PEAK1: variants seen among roughly 807,000 people sequenced by gnomAD.
PEAK1 encodes pseudopodium enriched atypical kinase 1, also known as inactive tyrosine-protein kinase PEAK1.
Under a neutral mutation model 124.7 loss-of-function variants are expected in PEAK1, and 54 were observed. The observed-to-expected ratio is 0.43, with a 90% CI of 0.35 to 0.54. The LOEUF (loss-of-function observed/expected upper bound fraction) is 0.54. Ranked by LOEUF, PEAK1 falls within the 20% of genes least tolerant of loss-of-function variation. The pLI is 0.01. For synonymous variants in PEAK1, 719 were observed against 760.0 expected (o/e 0.95, Z 0.89); for missense variants, 2,046 against 2,134.5 (o/e 0.96, Z 0.82).
At chr15:77,375,915 C>T (rs1225977255) in intron 1 of PEAK1, among the ~76,000 whole-genome samples, 1 of 151,916 alleles carries the variant, frequency 6.6e-6, no homozygotes, top group Admixed American at 6.6e-5. Context: ...AGGAGAATGG[C>T]GGGAACCCGG....
At chr15:77,122,132 T>C (rs2051976717) in intron 9 of PEAK1, among the ~76,000 whole-genome samples, 1 of 152,174 alleles carries the variant, frequency 6.6e-6, no homozygotes, top group Non-Finnish European at 1.5e-5. Flanking sequence ...ATAGATTAAG[T>C]GTTTAATATA....
intron 7 of PEAK1, among the ~76,000 whole-genome samples, chr15:77,174,530 T>C (rs2056721948): frequency 6.6e-6 from 1 of 152,072 alleles, no homozygotes; most frequent in Admixed American, 6.5e-5. Flanking sequence ...AAAAAGCAAA[T>C]GGTATATATT....
At chr15:77,119,245 T>A (rs2051688834) in intron 9 of PEAK1, among the ~76,000 whole-genome samples, 1 of 152,206 alleles carries the variant, frequency 6.6e-6, no homozygotes, top group Non-Finnish European at 1.5e-5. Context: ...CCGCTTGAGC[T>A]ATTCTCCAAA....
chr15:77,172,591 G>C (rs895831996), intron 7 of PEAK1, among the ~76,000 whole-genome samples: 2 of 152,160 alleles, frequency 1.3e-5, no homozygotes, highest in African/African-American at 4.8e-5. Flanking sequence ...TCATGAAAGA[G>C]GGGGCTAGTT....
At chr15:77,348,694 C>T in intron 2 of PEAK1, 8 of 985,230 alleles carry the variant, frequency 8.1e-6, no homozygotes, top group Non-Finnish European at 9.6e-6. Context: ...AATAGTTAAT[C>T]TGACTCACGG....
intron 6 of PEAK1, among the ~76,000 whole-genome samples, chr15:77,213,380 G>C (rs1231086339): frequency 6.6e-6 from 1 of 152,052 alleles, no homozygotes; most frequent in East Asian, 1.9e-4. Flanking sequence ...GCTTCCAGTA[G>C]AAAAAATAAA....
chr15:77,384,958 T>A (rs1318267475), intron 1 of PEAK1, among the ~76,000 whole-genome samples: 1 of 152,190 alleles, frequency 6.6e-6, no homozygotes, highest in African/African-American at 2.4e-5. Flanking sequence ...CTCACCACTG[T>A]CTTCACTGTT....
At chr15:77,409,267 CTTTTA>C (rs2072199587) in intron 1 of PEAK1, among the ~76,000 whole-genome samples, 1 of 152,122 alleles carries the variant, frequency 6.6e-6, no homozygotes, top group Non-Finnish European at 1.5e-5. Flanking sequence ...TTTCTATCAT[CTTTTA>C]TATTATTTAG....
At chr15:77,364,952 A>T (rs930224784) in intron 2 of PEAK1, among the ~76,000 whole-genome samples, 2 of 152,200 alleles carry the variant, frequency 1.3e-5, no homozygotes, top group African/African-American at 4.8e-5. Flanking sequence ...ATTCACTCAA[A>T]AGTATTTTAT....
chr15:77,145,702 C>T (rs2054130602), intron 8 of PEAK1, among the ~76,000 whole-genome samples: 1 of 152,112 alleles, frequency 6.6e-6, no homozygotes, highest in Non-Finnish European at 1.5e-5. Flanking sequence ...TCTTCAGTGG[C>T]TCTCCATTTG....
At chr15:77,415,691 C>T (rs1426164699) in intron 1 of PEAK1, among the ~76,000 whole-genome samples, 1 of 152,150 alleles carries the variant, frequency 6.6e-6, no homozygotes, top group Non-Finnish European at 1.5e-5. Flanking sequence ...TTTACATTGC[C>T]ATCCATCTCC....
At chr15:77,185,583 T>G (rs979895239) in intron 6 of PEAK1, among the ~76,000 whole-genome samples, 1 of 152,172 alleles carries the variant, frequency 6.6e-6, no homozygotes, top group East Asian at 1.9e-4. Context: ...TCTGTGACCT[T>G]AGCATGAACT....
intron 6 of PEAK1, among the ~76,000 whole-genome samples, chr15:77,204,308 T>C (rs1265916341): frequency 6.6e-6 from 1 of 152,126 alleles, no homozygotes; most frequent in Non-Finnish European, 1.5e-5. Context: ...GAATGCAAAA[T>C]GGTACAGACC....
chr15:77,292,620 T>G (rs540466910), intron 2 of PEAK1, among the ~76,000 whole-genome samples: 1 of 152,226 alleles, frequency 6.6e-6, no homozygotes, highest in South Asian at 2.1e-4. Context: ...CAACTACAGC[T>G]GAGAATTTGC....
At chr15:77,311,683 CACAAAAAAA>C (rs1335151011) in intron 2 of PEAK1, among the ~76,000 whole-genome samples, 1 of 44,800 alleles carries the variant, frequency 2.2e-5, no homozygotes, top group Non-Finnish European at 4.6e-5. Context: ...CCCCAACCCC[CACAAAAAAA>C]AAAAAAAAAA....
chr15:77,169,621 G>C (rs2056366807), intron 7 of PEAK1, among the ~76,000 whole-genome samples: 1 of 152,146 alleles, frequency 6.6e-6, no homozygotes, highest in African/African-American at 2.4e-5. Flanking sequence ...AAAGCGATTA[G>C]GTTACCAGGG....
chr15:77,112,144 T>C lies in PEAK1; in HGVS notation c.*2012A>G, dbSNP rs1262591908. On this transcript the variant is annotated 3_prime_UTR_variant, in exon 10 of 10. Coordinates refer to ENST00000682557, the MANE Select transcript of PEAK1 (RefSeq NM_001385026.1). ...GCACTCTGGCTAGAGGAGGCAAGAC[T>C]CTTTGTGGGCTAACCAGCCTTCTTT... 3 of 152,212 alleles carry C rather than the reference T, an allele frequency of 2.0e-5. No individual in the cohort carries two copies. The highest frequency in any genetic ancestry group is 2.9e-5 in the Non-Finnish European group (2 of 68,058). The allele number at this position is 152,212 out of a possible 1,614,324, so 9.4% of individuals were successfully genotyped here.
intron 7 of PEAK1, among the ~76,000 whole-genome samples, chr15:77,170,723 G>A (rs2056446834): frequency 6.6e-6 from 1 of 152,126 alleles, no homozygotes; most frequent in Non-Finnish European, 1.5e-5. Flanking sequence ...CCGTAAGGTA[G>A]GTATTATTAT....
At chr15:77,148,993 G>A (rs1296036114) in intron 8 of PEAK1, among the ~76,000 whole-genome samples, 1 of 152,056 alleles carries the variant, frequency 6.6e-6, no homozygotes, top group African/African-American at 2.4e-5. Context: ...AGAAATAAAG[G>A]AATTCACAAC....
Sources: gnomAD v4.1 joint callset for allele counts (sites outside exome capture counted in the v4.1 genomes callset) on GRCh38, gnomAD v4.1.1 for gene constraint, MANE v1.5 for transcripts, NCBI Gene and HGNC (gene_info 2026-07-23, HGNC 2026-07-21) for gene names.